Variants in DOCK5 observed in about 807,000 individuals in gnomAD.
DOCK5 encodes dedicator of cytokinesis 5, also known as dedicator of cytokinesis protein 5.
A neutral mutation model predicts 251.8 loss-of-function variants in DOCK5; 142 were observed. The observed-to-expected ratio is 0.56, with a 90% CI of 0.49 to 0.65. The LOEUF (loss-of-function observed/expected upper bound fraction) is 0.65, where lower values mean the gene tolerates loss of function less well. Among genes scored for constraint, DOCK5 ranks in the 30% least tolerant of loss-of-function variants. DOCK5 has a pLI of 0.00. For missense variants in DOCK5, 2,111 were observed against 2,312.3 expected, an observed-to-expected ratio of 0.91 and a Z score of 1.79; for synonymous variants, 842 against 835.5, an observed-to-expected ratio of 1.01 and a Z score of -0.13.
chr8:25,216,027 T>C (rs1802234096), intron 1 of DOCK5, among the ~76,000 whole-genome samples: 1 of 151,798 alleles, frequency 6.6e-6, no homozygotes, highest in East Asian at 1.9e-4. Flanking sequence ...ATACAACATG[T>C]ATATACGTGT....
At chr8:25,384,572 G>T (rs1250794872) in intron 40 of DOCK5, among the ~76,000 whole-genome samples, 1 of 151,204 alleles carries the variant, frequency 6.6e-6, no homozygotes, top group African/African-American at 2.4e-5. Context: ...CGATTCTCGT[G>T]CCTCAGCCTC....
At chr8:25,336,521 G>A (rs1805814361) in intron 22 of DOCK5, 148 bp downstream of exon 22, 4 of 1,140,204 alleles carry the variant, frequency 3.5e-6, no homozygotes, top group Non-Finnish European at 2.4e-6. Flanking sequence ...AGATGGATTT[G>A]GGCTGCGTGT....
intron 25 of DOCK5, among the ~76,000 whole-genome samples, chr8:25,343,597 A>G (rs1403938934): frequency 1.3e-5 from 2 of 152,206 alleles, no homozygotes; most frequent in Non-Finnish European, 2.9e-5. Flanking sequence ...CTTTTAAAAG[A>G]AATTATTCTT....
rs537858854 is a variant in DOCK5 at position 25,221,049 on chromosome 8, C to G, written c.44-22625C>G. Among the ~76,000 whole-genome samples, 44 of 152,228 alleles carry G rather than the reference C, an allele frequency of 2.9e-4. 1 individual carries two copies. The highest frequency in any genetic ancestry group is 1.0e-3 in the African/African-American group (42 of 41,546). On this transcript the variant is annotated intron_variant, in intron 1 of 51. Coordinates refer to ENST00000276440, the MANE Select transcript of DOCK5 (RefSeq NM_024940.8). ...ATTTCCCTGTTTCTTAGCAGTCTAC[C>G]TCTCCAGTCTGTCCCTAACTGGGAC...
chr8:25,387,225 A>G (rs1801181194), intron 40 of DOCK5, among the ~76,000 whole-genome samples: 1 of 145,434 alleles, frequency 6.9e-6, no homozygotes, highest in South Asian at 2.1e-4. Context: ...TCTGTCATCC[A>G]GGCTGAAATG....
chr8:25,325,330 C>T (rs1053937992), intron 17 of DOCK5, 34 bp from the exon 18 acceptor site: 9 of 1,595,356 alleles, frequency 5.6e-6, no homozygotes, highest in Admixed American at 3.5e-5. Context: ...AGATTTTGGC[C>T]ATCATTTGGT....
In DOCK5 at chr8:25,268,744, T is replaced by C. The variant is rs57134892; in HGVS notation, c.128-101T>C. 13,685 of 940,018 alleles carry C rather than the reference T, an allele frequency of 0.015. 934 individuals are homozygous for C. The African/African-American group carries it at 0.17, about 12-fold the overall frequency. The allele number at this position is 940,018 out of a possible 1,614,324, so 58.2% of individuals were successfully genotyped here. A position where few individuals can be genotyped will look rare whatever the true frequency, so the allele number is the denominator to read the frequency against. On this transcript the variant is annotated intron_variant, in intron 2 of 51. Coordinates refer to ENST00000276440, the MANE Select transcript of DOCK5 (RefSeq NM_024940.8). ...TGTTAATTGTCTCTGTCAACTGTTG[T>C]ATCCCAGTATTGCTAATAGAACATG...
intron 1 of DOCK5, among the ~76,000 whole-genome samples, chr8:25,214,437 T>C (rs531925452): frequency 3.9e-5 from 6 of 152,230 alleles, no homozygotes; most frequent in East Asian, 1.9e-4. Flanking sequence ...TGAGCACCTT[T>C]GAAAAAGGAA....
chr8:25,335,529 T>C (rs140747729), intron 21 of DOCK5, among the ~76,000 whole-genome samples: 1,683 of 151,542 alleles, frequency 0.011, 35 homozygotes, highest in African/African-American at 0.038. Context: ...ACTATTATTA[T>C]ATTATTATGT....
chr8:25,272,581 A>G (rs1357699940), intron 3 of DOCK5, among the ~76,000 whole-genome samples: 1 of 152,176 alleles, frequency 6.6e-6, no homozygotes, highest in African/African-American at 2.4e-5. Flanking sequence ...GCAGTGTTAC[A>G]TTTTACTTTT....
intron 11 of DOCK5, among the ~76,000 whole-genome samples, chr8:25,307,929 C>G (rs573155260): frequency 6.6e-6 from 1 of 152,278 alleles, no homozygotes; most frequent in African/African-American, 2.4e-5. Context: ...GTATATTCTG[C>G]AAGTCCATTT....
intron 25 of DOCK5, among the ~76,000 whole-genome samples, chr8:25,343,941 G>T (rs1800310826): frequency 6.6e-6 from 1 of 152,190 alleles, no homozygotes; most frequent in African/African-American, 2.4e-5. Flanking sequence ...AAGTAGCTGG[G>T]ATTACAGGTG....
chr8:25,367,027 G>A, intron 31 of DOCK5, 57 bp downstream of exon 31: 1 of 1,451,318 alleles, frequency 6.9e-7, no homozygotes, highest in Non-Finnish European at 9.6e-7. Flanking sequence ...TGTTTACATT[G>A]AGAGCAATAT....
At chr8:25,376,090 C>T in intron 37 of DOCK5, 1 of 939,334 alleles carries the variant, frequency 1.1e-6, no homozygotes, top group Non-Finnish European at 1.2e-6. Flanking sequence ...TAGAGCAAGA[C>T]TGTGTCTCAA....
chr8:25,370,540 T>C (rs1333452394), intron 34 of DOCK5, among the ~76,000 whole-genome samples: 2 of 152,230 alleles, frequency 1.3e-5, no homozygotes, highest in African/African-American at 4.8e-5. Flanking sequence ...GGTCTCTCTC[T>C]GTTGCCCAGG....
At chr8:25,197,039 A>T (rs200536905) in intron 1 of DOCK5, among the ~76,000 whole-genome samples, 578 of 26,048 alleles carry the variant, frequency 0.022, 5 homozygotes, top group African/African-American at 0.032. Flanking sequence ...TCTATTATTT[A>T]AAAAAAAAAT....
chr8:25,203,970 A>C (rs148209059), intron 1 of DOCK5, among the ~76,000 whole-genome samples: 4 of 37,560 alleles, frequency 1.1e-4, no homozygotes, highest in African/African-American at 4.1e-4. Flanking sequence ...TCTAAAATGA[A>C]ACGTGTTCTT....
intron 2 of DOCK5, among the ~76,000 whole-genome samples, chr8:25,252,124 T>C (rs757036790): frequency 6.6e-6 from 1 of 152,168 alleles, no homozygotes; most frequent in Non-Finnish European, 1.5e-5. Context: ...GTTTTGAGAA[T>C]GTCTGTCTGA....
chr8:25,346,050 C>G (rs1022905706), intron 26 of DOCK5, among the ~76,000 whole-genome samples: 5 of 152,168 alleles, frequency 3.3e-5, no homozygotes, highest in African/African-American at 4.8e-5. Flanking sequence ...CGGGGTTTCA[C>G]TGTGTTAGCC....
Sources: allele counts gnomAD v4.1 joint callset (sites outside exome capture counted in the v4.1 genomes callset), GRCh38; gene constraint gnomAD v4.1.1; transcripts MANE v1.5; gene names NCBI Gene and HGNC (gene_info 2026-07-23, HGNC 2026-07-21).